ROR2: variants seen among roughly 807,000 people sequenced by gnomAD.
The protein encoded by ROR2 is ROR family WNT receptor 2.
A neutral mutation model predicts 74.9 loss-of-function variants in ROR2; 33 were observed. The observed-to-expected ratio is 0.44, with a 90% CI of 0.33 to 0.59. The LOEUF is 0.59. Ranked by LOEUF, ROR2 falls within the 20% of genes least tolerant of loss-of-function variation. ROR2 has a pLI of 0.02. For missense variants in ROR2, 1,216 were observed against 1,313.8 expected (o/e 0.93, Z 1.15); for synonymous variants, 586 against 558.7 (o/e 1.05, Z -0.69).
intron 1 of ROR2, among the ~76,000 whole-genome samples, chr9:91,796,451 A>AAAAC (rs1554762798): frequency 1.3e-5 from 2 of 152,068 alleles, no homozygotes; most frequent in East Asian, 3.9e-4. Flanking sequence ...AAAAAAAAAA[A>AAAAC]AAAACATTTT....
chr9:91,781,884 G>C lies in ROR2; in HGVS notation c.98-6066C>G, dbSNP rs1003682836. Among the ~76,000 whole-genome samples the C allele has an allele frequency of 2.6e-5, 4 of 152,186 alleles. No individual in the cohort carries two copies. In the South Asian group the frequency reaches 6.2e-4, roughly 24 times the overall value. ...GTATTAAACCTCCAAGTGAGTCAAT[G>C]TACCAGCCCAACTCCCTTCAATATT... On this transcript the variant is annotated intron_variant, in intron 1 of 8. Transcript: ENST00000375708.
At chr9:91,885,500 C>T (rs959438705) in intron 1 of ROR2, among the ~76,000 whole-genome samples, 7 of 152,264 alleles carry the variant, frequency 4.6e-5, no homozygotes, top group Middle Eastern at 3.4e-3. Context: ...GACTGAGCAG[C>T]GTGTGGCTCC....
intron 5 of ROR2, among the ~76,000 whole-genome samples, chr9:91,736,919 C>T (rs1221224823): frequency 6.6e-6 from 1 of 152,114 alleles, no homozygotes. Flanking sequence ...CACTGATGAC[C>T]CGCGACTCTT....
At chr9:91,872,199 A>G (rs1829817130) in intron 1 of ROR2, among the ~76,000 whole-genome samples, 1 of 152,206 alleles carries the variant, frequency 6.6e-6, no homozygotes, top group Non-Finnish European at 1.5e-5. Context: ...GGAAAACAGC[A>G]TAAAAGAGAC....
rs774599563 is a variant in ROR2 at position 91,731,090 on chromosome 9, G to A, written c.1003C>T (p.His335Tyr). ...TGCAGGGCCCACGGCTGGCACTGGT[G>A]GCCTGACTTGGTGGTGCTTGCCGTT... ...RGTASTTKSG[H>Y]QCQPWALQHP... Residue 335 changes from histidine to tyrosine, a missense_variant, in exon 7 of 9, where the codon CAC becomes TAC. Physicochemically the swap from His to Tyr is moderately conservative, Grantham distance 83. Coordinates refer to ENST00000375708, the MANE Select transcript of ROR2 (RefSeq NM_004560.4). The A allele has an allele frequency of 1.9e-6, 3 of 1,614,128 alleles. No homozygotes were observed. The highest frequency in any genetic ancestry group is 1.7e-6 in the Non-Finnish European group (2 of 1,180,032).
At chr9:91,796,305 C>T (rs999822560) in intron 1 of ROR2, among the ~76,000 whole-genome samples, 13 of 151,914 alleles carry the variant, frequency 8.6e-5, no homozygotes, top group Admixed American at 3.3e-4. Flanking sequence ...TGGTGACGCA[C>T]GCCAGTAATC....
intron 1 of ROR2, among the ~76,000 whole-genome samples, chr9:91,806,870 T>C (rs915036575): frequency 3.9e-5 from 6 of 152,202 alleles, no homozygotes; most frequent in Non-Finnish European, 5.9e-5. Context: ...ATTACAGGCA[T>C]AAGCCATCGC....
chr9:91,941,859 C>A (rs1409274652), intron 1 of ROR2, among the ~76,000 whole-genome samples: 1 of 150,350 alleles, frequency 6.7e-6, no homozygotes, highest in Non-Finnish European at 1.5e-5. Flanking sequence ...GGCACGATCT[C>A]GGCTCACTGC....
At chr9:91,884,103 G>T (rs1478297935) in intron 1 of ROR2, among the ~76,000 whole-genome samples, 1 of 152,194 alleles carries the variant, frequency 6.6e-6, no homozygotes, top group African/African-American at 2.4e-5. Flanking sequence ...CTGTACTTCT[G>T]AAGTCAAGGT....
intron 1 of ROR2, among the ~76,000 whole-genome samples, chr9:91,806,865 A>C (rs1206862346): frequency 6.6e-6 from 1 of 152,202 alleles, no homozygotes; most frequent in African/African-American, 2.4e-5. Context: ...CTGGGATTAC[A>C]GGCATAAGCC....
chr9:91,918,696 C>T (rs937955851), intron 1 of ROR2, among the ~76,000 whole-genome samples: 1 of 152,068 alleles, frequency 6.6e-6, no homozygotes, highest in Admixed American at 6.5e-5. Context: ...TTGTACGCTC[C>T]GAAAAGCTGA....
chr9:91,900,650 C>T (rs901251809), intron 1 of ROR2, among the ~76,000 whole-genome samples: 4 of 152,184 alleles, frequency 2.6e-5, no homozygotes, highest in East Asian at 1.9e-4. Flanking sequence ...TCGCGGGGCA[C>T]GTCGGTTCCA....
intron 1 of ROR2, among the ~76,000 whole-genome samples, chr9:91,889,074 G>A (rs1345564507): frequency 6.6e-6 from 1 of 152,154 alleles, no homozygotes; most frequent in African/African-American, 2.4e-5. Context: ...TAGAGAGCTG[G>A]AGCTTCATTC....
At chr9:91,800,354 A>AAGAG (rs1554763426) in intron 1 of ROR2, among the ~76,000 whole-genome samples, 1 of 149,314 alleles carries the variant, frequency 6.7e-6, no homozygotes. Context: ...AAAAAAAAAA[A>AAGAG]AGAGAGAGAG....
chr9:91,785,832 C>T (rs1826778149), intron 1 of ROR2, among the ~76,000 whole-genome samples: 1 of 152,212 alleles, frequency 6.6e-6, no homozygotes, highest in Admixed American at 6.5e-5. Context: ...CGAAATTCTC[C>T]AGGAACTGTG....
chr9:91,792,510 G>A (rs7856613), intron 1 of ROR2, among the ~76,000 whole-genome samples: 2,963 of 152,084 alleles, frequency 0.019, 96 homozygotes, highest in African/African-American at 0.067. Context: ...GGGTTTCACC[G>A]TGTTAGCCAA....
intron 1 of ROR2, among the ~76,000 whole-genome samples, chr9:91,791,202 G>A (rs1180690063): frequency 6.6e-6 from 1 of 152,092 alleles, no homozygotes; most frequent in Non-Finnish European, 1.5e-5. Context: ...ATGGTGCATT[G>A]AAATCTTTTA....
intron 1 of ROR2, among the ~76,000 whole-genome samples, chr9:91,810,814 G>GA (rs1205412677): frequency 6.6e-6 from 1 of 152,216 alleles, no homozygotes; most frequent in Non-Finnish European, 1.5e-5. Flanking sequence ...CACACACAGG[G>GA]AATGCGGCCC....
Position 91,767,752 on chromosome 9 carries a change from T to C in ROR2, c.175+7989A>G, listed in dbSNP as rs186357986. On this transcript the variant is annotated intron_variant, in intron 2 of 8. Transcript: ENST00000375708. ...AAACCAGGGGCAGTGTCAGGAAGGATGGGAGTCAGATAAAACGGGGAAAAC... is the reference window on the plus strand; with the variant it reads ...AAACCAGGGGCAGTGTCAGGAAGGACGGGAGTCAGATAAAACGGGGAAAAC... 1.1e-3 allele frequency among the ~76,000 whole-genome samples: 164 copies of C among 152,288 alleles called. 1 individual carries two copies. Among genetic ancestry groups the C allele is most frequent in the African/African-American group, 3.6e-3 (149 of 41,560 alleles).
Sources: allele counts gnomAD v4.1 joint callset (sites outside exome capture counted in the v4.1 genomes callset), GRCh38; gene constraint gnomAD v4.1.1; transcripts MANE v1.5; gene names NCBI Gene and HGNC (gene_info 2026-07-23, HGNC 2026-07-21).